CPNE8: variants seen among roughly 807,000 people sequenced by gnomAD.
The protein encoded by CPNE8 is copine 8, also known as copine-8.
CPNE8 carries 45 observed loss-of-function variants against 81.5 expected under a neutral mutation model. The observed-to-expected ratio is 0.55, with a 90% CI of 0.44 to 0.71. The LOEUF is 0.71. CPNE8 is among the 30% of genes least tolerant of loss of function. The probability of loss-of-function intolerance (pLI) is 0.00; values close to 1 mark genes in which losing one functional copy is unlikely to be tolerated. For synonymous variants in CPNE8, 252 were observed against 226.3 expected, an observed-to-expected ratio of 1.11 and a Z score of -1.02; for missense variants, 594 against 672.1, an observed-to-expected ratio of 0.88 and a Z score of 1.28.
At chr12:38,799,325 A>C (rs1177346301) in intron 6 of CPNE8, among the ~76,000 whole-genome samples, 1 of 152,182 alleles carries the variant, frequency 6.6e-6, no homozygotes, top group East Asian at 1.9e-4. Context: ...ATGTAACACA[A>C]CAGAAATTAC....
At chr12:38,688,112 T>C (rs748409961) in intron 15 of CPNE8, among the ~76,000 whole-genome samples, 4 of 152,210 alleles carry the variant, frequency 2.6e-5, no homozygotes, top group Non-Finnish European at 4.4e-5. Context: ...AGTTACAAAC[T>C]AGGGTAGTCC....
chr12:38,893,500 C>T (rs1008323002), intron 1 of CPNE8, among the ~76,000 whole-genome samples: 1 of 152,254 alleles, frequency 6.6e-6, no homozygotes, highest in African/African-American at 2.4e-5. Context: ...CATGAATAAT[C>T]CACCCTTGGT....
intron 4 of CPNE8, among the ~76,000 whole-genome samples, chr12:38,844,305 T>C (rs1943518853): frequency 6.6e-6 from 1 of 152,172 alleles, no homozygotes; most frequent in African/African-American, 2.4e-5. Context: ...TACGAAGTGA[T>C]AAGGCTATCC....
chr12:38,783,611 T>C (rs1218284365), intron 6 of CPNE8, among the ~76,000 whole-genome samples: 1 of 152,180 alleles, frequency 6.6e-6, no homozygotes, highest in Admixed American at 6.5e-5. Flanking sequence ...GTCCTAGTGA[T>C]GATAGCCAAA....
intron 18 of CPNE8, chr12:38,671,108 CA>C (rs992574070): frequency 4.6e-6 from 1 of 215,120 alleles, no homozygotes; most frequent in Non-Finnish European, 9.1e-6. Context: ...TCCATTCTAC[CA>C]GTTCTAAACT....
intron 6 of CPNE8, among the ~76,000 whole-genome samples, chr12:38,786,242 G>A (rs1942183955): frequency 6.6e-6 from 1 of 152,178 alleles, no homozygotes; most frequent in South Asian, 2.1e-4. Context: ...TTAATACTGA[G>A]TGTCAACTTG....
chr12:38,661,559 A>G (rs1938952909), intron 19 of CPNE8, among the ~76,000 whole-genome samples: 1 of 152,156 alleles, frequency 6.6e-6, no homozygotes, highest in Non-Finnish European at 1.5e-5. Context: ...ATACCTATGT[A>G]ACAAACCTGC....
intron 1 of CPNE8, among the ~76,000 whole-genome samples, chr12:38,889,230 T>C (rs12580722): frequency 0.044 from 6,626 of 152,186 alleles, 169 homozygotes; most frequent in East Asian, 0.12. Flanking sequence ...TAAACAAATA[T>C]GTGCAGTGAA....
chr12:38,730,616 A>G (rs1940809579), intron 10 of CPNE8, among the ~76,000 whole-genome samples: 1 of 151,778 alleles, frequency 6.6e-6, no homozygotes, highest in African/African-American at 2.4e-5. Flanking sequence ...TCAAACAGGT[A>G]TACTAGTTTT....
chr12:38,835,454 AT>A (rs1307608334), intron 5 of CPNE8, among the ~76,000 whole-genome samples: 1 of 152,174 alleles, frequency 6.6e-6, no homozygotes, highest in African/African-American at 2.4e-5. Context: ...ATTCATGTTC[AT>A]TGAGTAAATC....
chr12:38,806,229 G>A (rs1166834569), intron 6 of CPNE8, among the ~76,000 whole-genome samples: 1 of 150,262 alleles, frequency 6.7e-6, no homozygotes, highest in African/African-American at 2.4e-5. Flanking sequence ...TAGAAAAAGA[G>A]GGAATCCTCC....
intron 13 of CPNE8, among the ~76,000 whole-genome samples, chr12:38,704,660 C>T (rs763423205): frequency 6.6e-6 from 1 of 151,568 alleles, no homozygotes; most frequent in Non-Finnish European, 1.5e-5. Flanking sequence ...CAGTTGTTTA[C>T]CCAGTGATCC....
chr12:38,867,642 G>A (rs1943936082), intron 3 of CPNE8, among the ~76,000 whole-genome samples: 1 of 152,096 alleles, frequency 6.6e-6, no homozygotes, highest in African/African-American at 2.4e-5. Flanking sequence ...AAAATGAATT[G>A]TCTATGGATA....
At chr12:38,705,224 T>C (rs752848264) in intron 13 of CPNE8, among the ~76,000 whole-genome samples, 1 of 152,114 alleles carries the variant, frequency 6.6e-6, no homozygotes, top group Non-Finnish European at 1.5e-5. Context: ...TTTGGAACTA[T>C]TGGATAAATA....
chr12:38,833,462 C>T (rs1323360417), intron 5 of CPNE8, among the ~76,000 whole-genome samples: 1 of 144,862 alleles, frequency 6.9e-6, no homozygotes, highest in African/African-American at 2.5e-5. Flanking sequence ...AGTAGATGAT[C>T]AGTGACTGAA....
At chr12:38,852,676 AGACATG>A (rs1304132197) in intron 3 of CPNE8, among the ~76,000 whole-genome samples, 1 of 152,172 alleles carries the variant, frequency 6.6e-6, no homozygotes, top group African/African-American at 2.4e-5. Flanking sequence ...AACAGGACAC[AGACATG>A]TGTTTGATTT....
chr12:38,713,798 C>T lies in CPNE8; in HGVS notation c.914+9974G>A, dbSNP rs73269194. Reference sequence around the variant, plus strand: ...TCCAGGGAAATTAGTATAAGCTCACCTGGACTCGCTGGATGAGAGTTTGGC... The same window carrying T: ...TCCAGGGAAATTAGTATAAGCTCACTTGGACTCGCTGGATGAGAGTTTGGC... On this transcript the variant is annotated intron_variant, in intron 13 of 19. Transcript: ENST00000331366. 7.1e-3 allele frequency among the ~76,000 whole-genome samples: 1,078 copies of T among 150,988 alleles called. 11 individuals carry two copies. The highest frequency in any genetic ancestry group is 0.026 in the African/African-American group (1,051 of 40,368).
intron 10 of CPNE8, among the ~76,000 whole-genome samples, chr12:38,737,263 T>C (rs1565590854): frequency 1.3e-5 from 2 of 152,242 alleles, no homozygotes; most frequent in East Asian, 3.9e-4. Flanking sequence ...TTGTATCTTT[T>C]TTTTATGTCA....
intron 18 of CPNE8, among the ~76,000 whole-genome samples, chr12:38,671,184 T>A (rs1191251791): frequency 6.6e-6 from 1 of 152,182 alleles, no homozygotes; most frequent in African/African-American, 2.4e-5. Context: ...TTAATTTTTC[T>A]TTCTAATTTA....
Sources: allele counts gnomAD v4.1 joint callset (sites outside exome capture counted in the v4.1 genomes callset), GRCh38; gene constraint gnomAD v4.1.1; transcripts MANE v1.5; gene names NCBI Gene and HGNC (gene_info 2026-07-23, HGNC 2026-07-21).